Variants in GUCA1B observed in about 807,000 individuals in gnomAD.
GUCA1B encodes guanylate cyclase activator 1B, also known as guanylyl cyclase-activating protein 2.
GUCA1B carries 22 observed loss-of-function variants against 24.2 expected under a neutral mutation model. The ratio of observed to expected loss-of-function variants is 0.91; its 90% confidence interval spans 0.65 to 1.30. The LOEUF is 1.30. GUCA1B is among the 50% of genes most tolerant of loss of function. The probability of loss-of-function intolerance (pLI) is 0.00; values close to 1 mark genes in which losing one functional copy is unlikely to be tolerated. For missense variants in GUCA1B, 221 were observed against 258.8 expected (o/e 0.85, Z 1.00); for synonymous variants, 100 against 97.9 (o/e 1.02, Z -0.13).
chr6:42,192,341 G>A lies in GUCA1B; in HGVS notation c.207+2273C>T, dbSNP rs544944022. On this transcript the variant is annotated intron_variant, in intron 1 of 3. Transcript: ENST00000230361. ...TGCACTACAGCCAGGGTGACAGAGC[G>A]AGACTCCAACTCAAAAAAAAAAAAA... Among the ~76,000 whole-genome samples the A allele has an allele frequency of 7.8e-5, 8 of 101,912 alleles. No individual in the cohort carries two copies. In the South Asian group the frequency reaches 1.5e-3, roughly 19 times the overall value. The allele number at this position is 101,912 out of a possible 152,430, so 66.9% of individuals were successfully genotyped here.
intron 1 of GUCA1B, among the ~76,000 whole-genome samples, chr6:42,191,077 A>T (rs2113847388): frequency 6.6e-6 from 1 of 152,286 alleles, no homozygotes; most frequent in Non-Finnish European, 1.5e-5. Flanking sequence ...TGTCAGCTCC[A>T]ATTACCCACA....
rs1239132169 is a variant in GUCA1B at position 42,188,919 on chromosome 6, C to A, written c.208-188G>T. On this transcript the variant is annotated intron_variant, in intron 1 of 3. Transcript: ENST00000230361. ...ATCTATCTATATCTATATCATCTCT[C>A]TCTCTCTCTCTCTATCTGACTATCT... 9.4e-3 allele frequency among the ~76,000 whole-genome samples: 1,311 copies of A among 140,108 alleles called. 24 individuals are homozygous for A. The highest frequency in any genetic ancestry group is 0.038 in the African/African-American group (1,238 of 32,472). 91.9% of individuals were successfully genotyped at this position (140,108 alleles called of 152,430 possible).
At chr6:42,187,465 G>A (rs923649200) in intron 2 of GUCA1B, among the ~76,000 whole-genome samples, 2 of 144,320 alleles carry the variant, frequency 1.4e-5, no homozygotes, top group Admixed American at 7.1e-5. Context: ...CTGTTGCTCA[G>A]GCTGGAGTGC....
chr6:42,192,381 G>A (rs1166678267), intron 1 of GUCA1B, among the ~76,000 whole-genome samples: 665 of 8,802 alleles, frequency 0.076, 31 homozygotes, highest in African/African-American at 0.19. Flanking sequence ...AAAAAAAAAA[G>A]AGAGAAAAGA....
rs767688482 is a variant in GUCA1B at position 42,194,285 on chromosome 6, G to A, written c.207+329C>T. Among the ~76,000 whole-genome samples the A allele has an allele frequency of 8.5e-5, 13 of 152,206 alleles. 1 individual carries two copies. Among genetic ancestry groups the A allele is most frequent in the Non-Finnish European group, 1.3e-4 (9 of 68,042 alleles). On this transcript the variant is annotated intron_variant, in intron 1 of 3. Coordinates refer to ENST00000230361, the MANE Select transcript of GUCA1B (RefSeq NM_002098.6). Reference sequence around the variant, plus strand: ...GATGCGAAAACCCGGTCATTGGGCTGCAGAGTCTTGGTCAAAAATACACAA... The same window carrying A: ...GATGCGAAAACCCGGTCATTGGGCTACAGAGTCTTGGTCAAAAATACACAA...
At chr6:42,193,352 C>T (rs1208601857) in intron 1 of GUCA1B, among the ~76,000 whole-genome samples, 1 of 150,554 alleles carries the variant, frequency 6.6e-6, no homozygotes, top group African/African-American at 2.4e-5. Flanking sequence ...TATTTATGAC[C>T]TGATATATTT....
Position 42,184,675 on chromosome 6 carries a change from C to T in GUCA1B, c.*140G>A. The stretch of plus-strand genomic sequence containing the variant: ...CACTTCAAACCCAGCAGCCCTTCCC[C>T]ATCCCCACTCAGCCCTGCACAGGGG... On this transcript the variant is annotated 3_prime_UTR_variant, in exon 4 of 4. Coordinates refer to ENST00000230361, the MANE Select transcript of GUCA1B (RefSeq NM_002098.6). 1.1e-6 allele frequency: 1 copy of T among 894,392 alleles called. No homozygotes were observed. The highest frequency in any genetic ancestry group is 1.9e-6 in the Non-Finnish European group (1 of 539,550). The allele number at this position is 894,392 out of a possible 1,614,324, so 55.4% of individuals were successfully genotyped here.
intron 2 of GUCA1B, 122 bp downstream of exon 2, chr6:42,188,434 TACACACTCAGAATGAGAACACAGGAA>T: frequency 1.4e-6 from 1 of 690,018 alleles, no homozygotes; most frequent in Non-Finnish European, 2.5e-6. Context: ...CACTAGAAAT[TACACACTCAGAATGAGAACACAGGAA>T]ACACACTCAG....
At chr6:42,193,531 C>G (rs915627133) in intron 1 of GUCA1B, among the ~76,000 whole-genome samples, 8 of 152,216 alleles carry the variant, frequency 5.3e-5, no homozygotes, top group Non-Finnish European at 1.2e-4. Context: ...AAGTCTGCCC[C>G]TCCCACCCAG....
At chr6:42,187,374 G>A (rs1419123819) in intron 2 of GUCA1B, among the ~76,000 whole-genome samples, 1 of 151,014 alleles carries the variant, frequency 6.6e-6, no homozygotes, top group African/African-American at 2.4e-5. Flanking sequence ...AAAGTGCTGG[G>A]ATTACAGGCG....
chr6:42,192,353 CAAAAAAAAA>C lies in GUCA1B; in HGVS notation c.207+2252_207+2260del, dbSNP rs552941208. ...AGGGTGACAGAGCGAGACTCCAACTCAAAAAAAAAAAAAAAAAAAAAAAAAAAGAGAGAA... is the reference window on the plus strand; with the variant it reads ...AGGGTGACAGAGCGAGACTCCAACTCAAAAAAAAAAAAAAAAAAGAGAGAA... On this transcript the variant is annotated intron_variant, in intron 1 of 3. Coordinates refer to ENST00000230361, the MANE Select transcript of GUCA1B (RefSeq NM_002098.6). 2.3e-4 allele frequency among the ~76,000 whole-genome samples: 13 copies of C among 57,192 alleles called. 1 individual carries two copies. Among genetic ancestry groups the C allele is most frequent in the African/African-American group, 8.2e-4 (10 of 12,154 alleles). The allele number at this position is 57,192 out of a possible 152,430, so 37.5% of individuals were successfully genotyped here. A position where few individuals can be genotyped will look rare whatever the true frequency, so the allele number is the denominator to read the frequency against.
intron 3 of GUCA1B, 26 bp from the exon 4 acceptor site, chr6:42,184,968 C>A: frequency 6.2e-7 from 1 of 1,612,746 alleles, no homozygotes; most frequent in South Asian, 1.1e-5. Context: ...GAGAGGTGGT[C>A]ATGTAGAAGA....
At chr6:42,192,434 G>A (rs1273366842) in intron 1 of GUCA1B, among the ~76,000 whole-genome samples, 2 of 150,214 alleles carry the variant, frequency 1.3e-5, no homozygotes, top group Admixed American at 6.6e-5. Flanking sequence ...AAACCTGGCC[G>A]GGTGCAGTGG....
At chr6:42,194,351 CAAG>C (rs1768360754) in intron 1 of GUCA1B, among the ~76,000 whole-genome samples, 1 of 152,072 alleles carries the variant, frequency 6.6e-6, no homozygotes, top group African/African-American at 2.4e-5. Context: ...CTTCAGCTCT[CAAG>C]AAGAGGACAC....
intron 1 of GUCA1B, 70 bp downstream of exon 1, chr6:42,194,544 C>T: frequency 1.1e-6 from 1 of 942,090 alleles, no homozygotes; most frequent in Non-Finnish European, 1.8e-6. Flanking sequence ...TGGGAGCTCT[C>T]CCTGAGGACA....
At chr6:42,189,280 A>G (rs1008388636) in intron 1 of GUCA1B, among the ~76,000 whole-genome samples, 2 of 152,144 alleles carry the variant, frequency 1.3e-5, no homozygotes, top group Non-Finnish European at 2.9e-5. Context: ...TGGCATTGTC[A>G]CTTAACTGTT....
At chr6:42,190,483 G>A (rs1368086656) in intron 1 of GUCA1B, among the ~76,000 whole-genome samples, 1 of 148,774 alleles carries the variant, frequency 6.7e-6, no homozygotes, top group Admixed American at 6.7e-5. Context: ...TTATATCTCT[G>A]GTATTTCTTT....
chr6:42,188,804 A>T, intron 1 of GUCA1B, 73 bp from the exon 2 acceptor site: 1 of 1,404,194 alleles, frequency 7.1e-7, no homozygotes, highest in East Asian at 2.4e-5. Flanking sequence ...CCCTGCAAAC[A>T]CAGGGCTTCT....
chr6:42,191,095 G>A (rs1418048023), intron 1 of GUCA1B, among the ~76,000 whole-genome samples: 1 of 152,198 alleles, frequency 6.6e-6, no homozygotes, highest in East Asian at 1.9e-4. Context: ...ACAGAGGCCT[G>A]AGAGTGATGG....
Sources: gnomAD v4.1 joint callset for allele counts (sites outside exome capture counted in the v4.1 genomes callset) on GRCh38, gnomAD v4.1.1 for gene constraint, MANE v1.5 for transcripts, NCBI Gene and HGNC (gene_info 2026-07-23, HGNC 2026-07-21) for gene names.